The following CNOT10 variants were observed in gnomAD, a reference collection of about 807,000 sequenced individuals.
CNOT10 encodes CCR4-NOT transcription complex, subunit 10.
A neutral mutation model predicts 94.6 loss-of-function variants in CNOT10; 30 were observed. That is an observed-to-expected ratio of 0.32 (90% confidence interval 0.24 to 0.43). CNOT10 has a LOEUF of 0.43. Among genes scored for constraint, CNOT10 ranks in the 20% least tolerant of loss-of-function variants. The pLI, the probability that CNOT10 is intolerant of heterozygous loss-of-function variation, is 1.00. For synonymous variants in CNOT10, 289 were observed against 301.6 expected (o/e 0.96, Z 0.43); for missense variants, 759 against 877.2 (o/e 0.87, Z 1.70).
chr3:32,757,328 C>T (rs889945621), intron 13 of CNOT10, among the ~76,000 whole-genome samples: 13 of 151,480 alleles, frequency 8.6e-5, no homozygotes, highest in African/African-American at 2.7e-4. Context: ...TACAGGCATG[C>T]GCCACCACAC....
At chr3:32,753,458 A>T (rs767472676) in intron 13 of CNOT10, 2 of 1,547,712 alleles carry the variant, frequency 1.3e-6, no homozygotes, top group Non-Finnish European at 1.8e-6. Flanking sequence ...TCTGGAGAGG[A>T]TTACAATTTG....
chr3:32,727,083 G>A (rs1337930870), intron 9 of CNOT10, among the ~76,000 whole-genome samples: 1 of 152,002 alleles, frequency 6.6e-6, no homozygotes, highest in African/African-American at 2.4e-5. Flanking sequence ...CTGACTTCGT[G>A]ATCTGCCCGC....
intron 13 of CNOT10, among the ~76,000 whole-genome samples, chr3:32,747,049 G>A (rs1026393895): frequency 3.2e-4 from 49 of 151,882 alleles, no homozygotes; most frequent in Admixed American, 2.6e-3. Flanking sequence ...CCCGGGAGGC[G>A]GAGGTTGTGG....
Position 32,753,820 on chromosome 3 carries a change from A to G in CNOT10, c.1596-5638A>G. ...ATCCTTTATGGGAGTCTGATGGTAC[A>G]GTTTTGAGTACCAGCTGGTCTGATG... On this transcript the variant is annotated intron_variant, in intron 13 of 18. Transcript: ENST00000328834. 3.8e-6 allele frequency: 6 copies of G among 1,568,404 alleles called. No individual in the cohort carries two copies. The South Asian group carries it at 5.6e-5, about 15-fold the overall frequency.
chr3:32,702,255 C>G (rs1697387823), intron 1 of CNOT10, among the ~76,000 whole-genome samples: 1 of 152,166 alleles, frequency 6.6e-6, no homozygotes, highest in African/African-American at 2.4e-5. Flanking sequence ...GCCATCACGC[C>G]CAGCCAACAG....
intron 13 of CNOT10, among the ~76,000 whole-genome samples, chr3:32,752,377 G>A (rs1700002485): frequency 6.6e-6 from 1 of 152,166 alleles, no homozygotes; most frequent in Non-Finnish European, 1.5e-5. Flanking sequence ...ACCCCTGTGG[G>A]CTGCCTTTTC....
chr3:32,719,510 A>G (rs1247610401), intron 7 of CNOT10, among the ~76,000 whole-genome samples: 1 of 152,158 alleles, frequency 6.6e-6, no homozygotes, highest in Non-Finnish European at 1.5e-5. Context: ...TACTCTAAAC[A>G]GGTAGTACTA....
chr3:32,727,327 TAAAAG>T (rs1380012415), intron 9 of CNOT10, among the ~76,000 whole-genome samples: 4 of 151,758 alleles, frequency 2.6e-5, no homozygotes, highest in East Asian at 1.9e-4. Flanking sequence ...AAATAAAAAA[TAAAAG>T]AGAATAAAGT....
At chr3:32,755,455 A>T (rs1700189616) in intron 13 of CNOT10, among the ~76,000 whole-genome samples, 1 of 151,344 alleles carries the variant, frequency 6.6e-6, no homozygotes, top group Non-Finnish European at 1.5e-5. Context: ...AGTAGCTTGG[A>T]TCACAGGCAT....
At position 32,687,071 on chromosome 3, in the gene CNOT10, G is replaced by A. The variant is rs567168690; in HGVS notation, c.22+1589G>A. Among the ~76,000 whole-genome samples the A allele has an allele frequency of 3.9e-5, 6 of 152,074 alleles. No homozygotes were observed. In the South Asian group the frequency reaches 1.2e-3, roughly 31 times the overall value. ...TTTTTTCATTGGTTTAAGTTTATAG[G>A]CCATATTGAAGGAAACTTCCTGCTT... On this transcript the variant is annotated intron_variant, in intron 1 of 18. Coordinates refer to ENST00000328834, the MANE Select transcript of CNOT10 (RefSeq NM_015442.3).
chr3:32,730,636 T>C (rs1698900880), intron 10 of CNOT10: 1 of 152,116 alleles, frequency 6.6e-6, no homozygotes, highest in Non-Finnish European at 1.5e-5. Context: ...CAAATAAAAT[T>C]CCATAAAATT....
In CNOT10 at chr3:32,685,433, A is replaced by G; in HGVS notation, c.-28A>G. 1 of 1,550,176 alleles carries G rather than the reference A, an allele frequency of 6.5e-7. No individual in the cohort carries two copies. Among genetic ancestry groups the G allele is most frequent in the Non-Finnish European group, 8.7e-7 (1 of 1,146,724 alleles). On this transcript the variant is annotated 5_prime_UTR_variant, in exon 1 of 19. Transcript: ENST00000328834. ...CGGGAGTCAGGGCCACGCCACCTGC[A>G]GGGAAGAACCCGAGTCGAAGCGGGA...
At chr3:32,689,265 A>T (rs1030209964) in intron 1 of CNOT10, among the ~76,000 whole-genome samples, 2 of 152,040 alleles carry the variant, frequency 1.3e-5, no homozygotes, top group Admixed American at 6.6e-5. Flanking sequence ...AAGCAAGAGA[A>T]TCACTTGAAC....
intron 1 of CNOT10, among the ~76,000 whole-genome samples, chr3:32,686,897 A>T (rs1279739444): frequency 6.6e-6 from 1 of 152,190 alleles, no homozygotes; most frequent in East Asian, 1.9e-4. Context: ...TTGAGTGTTG[A>T]ATAATGGATA....
At chr3:32,735,397 C>T (rs1052039964) in intron 12 of CNOT10, among the ~76,000 whole-genome samples, 2 of 151,908 alleles carry the variant, frequency 1.3e-5, no homozygotes, top group Non-Finnish European at 2.9e-5. Flanking sequence ...GTAAGAAGTC[C>T]TGTTGTCAGA....
chr3:32,693,212 T>C (rs1056682581), intron 1 of CNOT10, among the ~76,000 whole-genome samples: 3 of 152,176 alleles, frequency 2.0e-5, no homozygotes, highest in African/African-American at 7.2e-5. Context: ...TTTTTTTCTT[T>C]TTTAAATTTA....
rs571513557 is a variant in CNOT10 at position 32,770,047 on chromosome 3, C to A, written c.2080+85C>A. 20 of 1,061,378 alleles carry A rather than the reference C, an allele frequency of 1.9e-5. 1 individual carries two copies. The South Asian group carries it at 2.5e-4, about 13-fold the overall frequency. The allele number at this position is 1,061,378 out of a possible 1,614,324, so 65.7% of individuals were successfully genotyped here. A position where few individuals can be genotyped will look rare whatever the true frequency, so the allele number is the denominator to read the frequency against. On this transcript the variant is annotated intron_variant, in intron 18 of 18. Coordinates refer to ENST00000328834, the MANE Select transcript of CNOT10 (RefSeq NM_015442.3). ...GGGAGACAGGGTCTCACTGTGTTGC[C>A]CAGGCTGGAGTGCAGTGGTACCATC...
At chr3:32,735,029 G>A in intron 12 of CNOT10, 53 bp downstream of exon 12, 14 of 1,459,172 alleles carry the variant, frequency 9.6e-6, no homozygotes, top group Non-Finnish European at 1.3e-5. Context: ...GACTTCTTTA[G>A]TAAACCCTTT....
At chr3:32,764,418 T>TAA in intron 15 of CNOT10, 37 bp from the exon 16 acceptor site, 1 of 1,608,580 alleles carries the variant, frequency 6.2e-7, no homozygotes, top group Non-Finnish European at 8.5e-7. Context: ...TATGCTCTGT[T>TAA]GTTCTGCCCC....
Sources: allele counts gnomAD v4.1 joint callset (sites outside exome capture counted in the v4.1 genomes callset), GRCh38; gene constraint gnomAD v4.1.1; transcripts MANE v1.5; gene names NCBI Gene and HGNC (gene_info 2026-07-23, HGNC 2026-07-21).